POC1B: variants seen among roughly 807,000 people sequenced by gnomAD.
POC1B encodes the protein POC1 centriolar protein B.
In POC1B, 44 loss-of-function variants were observed where a neutral mutation model predicts 60.6. The observed-to-expected ratio is 0.73, with a 90% CI of 0.57 to 0.93. POC1B has a LOEUF of 0.93. Among genes scored for constraint, POC1B ranks in the 40% least tolerant of loss-of-function variants. POC1B has a pLI of 0.00. For missense variants in POC1B, 555 were observed against 572.3 expected, an observed-to-expected ratio of 0.97 and a Z score of 0.31; for synonymous variants, 180 against 198.9, an observed-to-expected ratio of 0.90 and a Z score of 0.80.
At chr12:89,451,144 A>G (rs1327216814) in intron 10 of POC1B, among the ~76,000 whole-genome samples, 1 of 152,220 alleles carries the variant, frequency 6.6e-6, no homozygotes, top group East Asian at 1.9e-4. Context: ...GAAAAGGAAA[A>G]GGAAATGCCT....
chr12:89,408,321 C>T, the POC1B span, among the ~76,000 whole-genome samples: 1 of 152,072 alleles, frequency 6.6e-6, no homozygotes, highest in African/African-American at 2.4e-5. Context: ...GGTATATACC[C>T]AGTAATGGGA....
intron 2 of POC1B, chr12:89,523,116 A>G (rs1355224161): frequency 3.1e-6 from 5 of 1,613,796 alleles, no homozygotes; most frequent in Admixed American, 3.3e-5. Context: ...CTCCTTGACC[A>G]TGGCATCCAA....
chr12:89,493,872 T>G (rs1008764), intron 3 of POC1B, among the ~76,000 whole-genome samples: 2 of 152,094 alleles, frequency 1.3e-5, no homozygotes, highest in African/African-American at 4.8e-5. Flanking sequence ...GAGTGCCTTA[T>G]GTTTATTGTG....
chr12:89,524,921 C>G, intron 2 of POC1B, 199 bp downstream of exon 2: 1 of 855,028 alleles, frequency 1.2e-6, no homozygotes, highest in Non-Finnish European at 1.8e-6. Flanking sequence ...AGGCTCTTGG[C>G]CGGGCCGGGG....
chr12:89,458,610 C>T (rs140021227), intron 10 of POC1B, among the ~76,000 whole-genome samples: 75 of 152,242 alleles, frequency 4.9e-4, no homozygotes, highest in Admixed American at 2.0e-3. Flanking sequence ...GTTTCTGGTA[C>T]AAGATAGACT....
At chr12:89,437,758 T>C (rs887692191) in intron 10 of POC1B, among the ~76,000 whole-genome samples, 1 of 152,166 alleles carries the variant, frequency 6.6e-6, no homozygotes, top group Non-Finnish European at 1.5e-5. Context: ...AATAAGATTT[T>C]AAAAATTGGC....
intron 2 of POC1B, among the ~76,000 whole-genome samples, chr12:89,505,764 ACT>A (rs1869862653): frequency 6.6e-6 from 1 of 152,184 alleles, no homozygotes; most frequent in Admixed American, 6.5e-5. Context: ...AGAAAACATC[ACT>A]CTAGCTGTTG....
chr12:89,471,773 T>G (rs751769668), intron 5 of POC1B, 44 bp from the exon 6 acceptor site: 3 of 1,245,594 alleles, frequency 2.4e-6, no homozygotes, highest in African/African-American at 1.5e-5. Context: ...AATTTCTTTT[T>G]TTTTTTTTTT....
In POC1B at chr12:89,491,954, T is replaced by C; in HGVS notation, c.434A>G (p.His145Arg). The C allele has an allele frequency of 6.4e-7, 1 of 1,557,894 alleles. No individual in the cohort carries two copies. Among genetic ancestry groups the C allele is most frequent in the Non-Finnish European group, 8.7e-7 (1 of 1,155,986 alleles). The change falls in exon 4 of 12, where the codon CAC (histidine) becomes CGC (arginine). Residue 145 changes from histidine to arginine, a missense_variant. By Grantham distance (29) the His-to-Arg change is conservative (BLOSUM62 0). Coordinates refer to ENST00000313546, the MANE Select transcript of POC1B (RefSeq NM_172240.3). ...RFLYSLYRHT[H>R]WVRCAKFSPD... ...CACTTACTTGGCACAGCGTACCCAG[T>C]GTGTATGTCGATACAAGGAATACAG...
chr12:89,511,879 C>A lies in POC1B; in HGVS notation c.100+13241G>T, dbSNP rs12317958. On this transcript the variant is annotated intron_variant, in intron 2 of 11. Coordinates refer to ENST00000313546, the MANE Select transcript of POC1B (RefSeq NM_172240.3). ...GACCAGTTTGGCCAATATGGTGAAACCCTGTCTCTACTAAAAATACAAAAA... is the reference window on the plus strand; with the variant it reads ...GACCAGTTTGGCCAATATGGTGAAAACCTGTCTCTACTAAAAATACAAAAA... 7.3e-3 allele frequency among the ~76,000 whole-genome samples: 1,109 copies of A among 152,178 alleles called. 13 individuals carry two copies. Among genetic ancestry groups the A allele is most frequent in the African/African-American group, 0.025 (1,026 of 41,516 alleles).
In POC1B at chr12:89,419,989, G is replaced by A. The variant is rs1220792013; in HGVS notation, c.*1164C>T. On this transcript the variant is annotated 3_prime_UTR_variant, in exon 12 of 12. Transcript: ENST00000313546. Reference sequence around the variant, plus strand: ...TTCTAAATATAGAAATAAATAGGACGGCACTATTTCTTCTTTTCCAAAACA... The same window carrying A: ...TTCTAAATATAGAAATAAATAGGACAGCACTATTTCTTCTTTTCCAAAACA... 1 of 151,984 alleles carries A rather than the reference G, an allele frequency of 6.6e-6. No homozygotes were observed. The highest frequency in any genetic ancestry group is 2.4e-5 in the African/African-American group (1 of 41,384). 9.4% of individuals were successfully genotyped at this position (151,984 alleles called of 1,614,324 possible).
intron 4 of POC1B, among the ~76,000 whole-genome samples, chr12:89,485,769 A>C (rs1565745215): frequency 6.6e-6 from 1 of 152,242 alleles, no homozygotes; most frequent in Non-Finnish European, 1.5e-5. Flanking sequence ...TTCTCTGAAG[A>C]AATCCATGAA....
the POC1B span, among the ~76,000 whole-genome samples, chr12:89,408,799 T>G: frequency 6.6e-6 from 1 of 152,196 alleles, no homozygotes; most frequent in Non-Finnish European, 1.5e-5. Flanking sequence ...TTTCCTGACT[T>G]TTTAATGATC....
At chr12:89,471,771 T>TC in intron 5 of POC1B, 42 bp from the exon 6 acceptor site, 2 of 1,063,144 alleles carry the variant, frequency 1.9e-6, no homozygotes, top group Non-Finnish European at 2.7e-6. Context: ...TCAATTTCTT[T>TC]TTTTTTTTTT....
chr12:89,475,910 CTTTTTTTTTTTTT>C (rs972058107), intron 4 of POC1B, among the ~76,000 whole-genome samples: 2 of 86,140 alleles, frequency 2.3e-5, no homozygotes, highest in East Asian at 7.7e-4. Context: ...TGAGGGAATT[CTTTTTTTTTTTTT>C]TTTTTTTTTT....
chr12:89,436,110 A>G (rs1195658702), intron 10 of POC1B, among the ~76,000 whole-genome samples: 1 of 151,864 alleles, frequency 6.6e-6, no homozygotes, highest in Non-Finnish European at 1.5e-5. Flanking sequence ...ATTCCCAGCT[A>G]ATTTTTCTAT....
chr12:89,508,273 C>G (rs1022624747), intron 2 of POC1B, among the ~76,000 whole-genome samples: 1 of 152,194 alleles, frequency 6.6e-6, no homozygotes, highest in Non-Finnish European at 1.5e-5. Context: ...CTGCCTCATT[C>G]CCTTTTCCCT....
chr12:89,439,606 T>G (rs1881426159), intron 10 of POC1B, among the ~76,000 whole-genome samples: 2 of 152,110 alleles, frequency 1.3e-5, no homozygotes, highest in African/African-American at 4.8e-5. Flanking sequence ...TTATTTTGTT[T>G]TATTTATTTA....
At chr12:89,405,614 A>C in the POC1B span, among the ~76,000 whole-genome samples, 1 of 152,218 alleles carries the variant, frequency 6.6e-6, no homozygotes, top group African/African-American at 2.4e-5. Context: ...AAGTAATAAA[A>C]AAAAATAGTT....
Sources: gnomAD v4.1 joint callset for allele counts (sites outside exome capture counted in the v4.1 genomes callset) on GRCh38, gnomAD v4.1.1 for gene constraint, MANE v1.5 for transcripts, NCBI Gene and HGNC (gene_info 2026-07-23, HGNC 2026-07-21) for gene names.